DOCK7: variants seen among roughly 807,000 people sequenced by gnomAD.
DOCK7 encodes dedicator of cytokinesis protein 7.
In DOCK7, 138 loss-of-function variants were observed where a neutral mutation model predicts 271.0. The ratio of observed to expected loss-of-function variants is 0.51; its 90% confidence interval spans 0.44 to 0.59. The LOEUF is 0.59. DOCK7 is among the 20% of genes least tolerant of loss of function. DOCK7 has a pLI of 0.00. For synonymous variants in DOCK7, 823 were observed against 876.1 expected (o/e 0.94, Z 1.07); for missense variants, 2,066 against 2,592.4 (o/e 0.80, Z 4.41).
Position 62,527,603 on chromosome 1 carries a change from T to G in DOCK7, c.3936+548A>C, listed in dbSNP as rs1042992990. 2.4e-4 allele frequency among the ~76,000 whole-genome samples: 37 copies of G among 151,830 alleles called. 1 individual carries two copies. The highest frequency in any genetic ancestry group is 4.0e-4 in the Non-Finnish European group (27 of 67,994). ...GGGACATGGACGAAGCTGGAAACCATCATTCTCAGCAAACTATTGCAAGGA... is the reference window on the plus strand; with the variant it reads ...GGGACATGGACGAAGCTGGAAACCAGCATTCTCAGCAAACTATTGCAAGGA... On this transcript the variant is annotated intron_variant, in intron 31 of 49. Transcript: ENST00000635253.
chr1:62,506,420 T>C (rs967276611), intron 35 of DOCK7, among the ~76,000 whole-genome samples: 9 of 152,064 alleles, frequency 5.9e-5, no homozygotes, highest in African/African-American at 2.2e-4. Context: ...CTTGGACTTA[T>C]TAAATTTTTT....
Position 62,602,475 on chromosome 1 carries a change from G to A in DOCK7, c.1683-15851C>T, listed in dbSNP as rs536323268. Reference sequence around the variant, plus strand: ...ACCAGGTATTAGGAAAAGTAGTAACGAACGAGAAGCAGTCTCAGCCTTCAT... The same window carrying A: ...ACCAGGTATTAGGAAAAGTAGTAACAAACGAGAAGCAGTCTCAGCCTTCAT... On this transcript the variant is annotated intron_variant, in intron 14 of 49. Coordinates refer to ENST00000635253, the MANE Select transcript of DOCK7 (RefSeq NM_001367561.1). 348 of 1,062,042 alleles carry A rather than the reference G, an allele frequency of 3.3e-4. 1 individual carries two copies. The highest frequency in any genetic ancestry group is 2.0e-3 in the Admixed American group (116 of 58,308). 65.8% of individuals were successfully genotyped at this position (1,062,042 alleles called of 1,614,324 possible).
At chr1:62,468,360 C>CA (rs201784083) in intron 48 of DOCK7, among the ~76,000 whole-genome samples, 2,534 of 92,630 alleles carry the variant, frequency 0.027, 116 homozygotes, top group African/African-American at 0.068. Context: ...GACTCTGTCT[C>CA]AAAAAAAAAA....
At chr1:62,684,146 T>A (rs949326650) in intron 1 of DOCK7, among the ~76,000 whole-genome samples, 1 of 148,558 alleles carries the variant, frequency 6.7e-6, no homozygotes, top group Admixed American at 6.7e-5. Flanking sequence ...GGCAGTGGGG[T>A]GGAGGTTGCA....
intron 1 of DOCK7, among the ~76,000 whole-genome samples, chr1:62,669,296 T>C (rs1343263896): frequency 6.6e-6 from 1 of 152,212 alleles, no homozygotes; most frequent in South Asian, 2.1e-4. Context: ...GCACTCTCTT[T>C]GATAGTAGCA....
chr1:62,646,775 G>T lies in DOCK7; in HGVS notation c.818+916C>A, dbSNP rs1247204557. Among the ~76,000 whole-genome samples the T allele has an allele frequency of 2.6e-5, 4 of 152,284 alleles. No homozygotes were observed. The East Asian group carries it at 7.7e-4, about 29-fold the overall frequency. On this transcript the variant is annotated intron_variant, in intron 7 of 49. Transcript: ENST00000635253. ...GCCTGAGCAGACTGATACAGGTAAG[G>T]AGTTTCTTCCTGGGGTAATGAGTAT... is the stretch of plus-strand genomic sequence containing the variant.
At chr1:62,547,048 C>T (rs1028549666) in intron 22 of DOCK7, among the ~76,000 whole-genome samples, 6 of 151,996 alleles carry the variant, frequency 3.9e-5, no homozygotes, top group Non-Finnish European at 4.4e-5. Context: ...CTTTGCTGTA[C>T]TCTTAAATTT....
intron 31 of DOCK7, among the ~76,000 whole-genome samples, chr1:62,525,801 C>T (rs1342608980): frequency 6.6e-6 from 1 of 152,188 alleles, no homozygotes; most frequent in African/African-American, 2.4e-5. Context: ...TCATTAAAAA[C>T]TTTCACACTT....
intron 42 of DOCK7, 24 bp from the exon 43 acceptor site, chr1:62,487,436 G>A (rs1557612825): frequency 6.2e-7 from 1 of 1,608,318 alleles, no homozygotes; most frequent in Non-Finnish European, 8.5e-7. Context: ...AGTAAAAAAG[G>A]GCAAGTCATA....
chr1:62,591,330 A>C (rs1171391558), intron 14 of DOCK7, among the ~76,000 whole-genome samples: 2 of 152,268 alleles, frequency 1.3e-5, no homozygotes, highest in Non-Finnish European at 2.9e-5. Context: ...AGGAAAAAAC[A>C]GACACAGGGG....
chr1:62,591,361 G>A (rs1648420669), intron 14 of DOCK7, among the ~76,000 whole-genome samples: 1 of 152,124 alleles, frequency 6.6e-6, no homozygotes, highest in South Asian at 2.1e-4. Context: ...AAGGGAGGGT[G>A]GAGGAGAGAG....
chr1:62,617,927 G>C (rs1363074187), intron 14 of DOCK7, among the ~76,000 whole-genome samples: 1 of 151,892 alleles, frequency 6.6e-6, no homozygotes, highest in Non-Finnish European at 1.5e-5. Flanking sequence ...GGGTAGGAAA[G>C]GAGAGAAATC....
rs1330978785 is a variant in DOCK7, at chr1:62,659,972, T to C, written c.144+3053A>G. Among the ~76,000 whole-genome samples the C allele has an allele frequency of 2.0e-5, 3 of 152,156 alleles. No homozygotes were observed. The East Asian group carries it at 5.8e-4, about 29-fold the overall frequency. On this transcript the variant is annotated intron_variant, in intron 2 of 49. Coordinates refer to ENST00000635253, the MANE Select transcript of DOCK7 (RefSeq NM_001367561.1). ...GAACTGAAAGAAGAAATAAGACATA[T>C]CACAATTATACTTGCAGAATTCAAG...
Position 62,539,776 on chromosome 1 carries a change from A to T in DOCK7, c.3162T>A (p.Ser1054Arg). 1 of 1,613,348 alleles carries T rather than the reference A, an allele frequency of 6.2e-7. No individual in the cohort carries two copies. ...DIAALVSTIA[S>R]DIVSRFQKDT... ...CCTTCTGAAATCGTGAAACTATATCACTAGCAATCGTGCTGACAAGAGCTG... is the reference window on the plus strand; with the variant it reads ...CCTTCTGAAATCGTGAAACTATATCTCTAGCAATCGTGCTGACAAGAGCTG... The change falls in exon 26 of 50, where the codon AGT becomes AGA. Residue 1054 changes from serine to arginine, a missense_variant. Transcript: ENST00000635253.
chr1:62,590,591 T>C (rs1013998460), intron 14 of DOCK7, among the ~76,000 whole-genome samples: 2 of 152,006 alleles, frequency 1.3e-5, no homozygotes, highest in African/African-American at 4.8e-5. Context: ...AAGCAAATAA[T>C]GATAATAATG....
At chr1:62,621,497 T>C (rs370620798) in intron 12 of DOCK7, among the ~76,000 whole-genome samples, 10 of 152,326 alleles carry the variant, frequency 6.6e-5, no homozygotes, top group African/African-American at 2.2e-4. Flanking sequence ...TATTTGGTAA[T>C]GCATATATTT....
At chr1:62,654,285 C>T in intron 2 of DOCK7, 126 bp from the exon 3 acceptor site, 1 of 937,654 alleles carries the variant, frequency 1.1e-6, no homozygotes, top group Non-Finnish European at 1.5e-6. Context: ...AAAATTTTCA[C>T]AGATATTCAA....
chr1:62,485,282 A>T (rs1646260015), intron 43 of DOCK7: 1 of 985,300 alleles, frequency 1.0e-6, no homozygotes, highest in African/African-American at 1.7e-5. Context: ...CGAAAGGTTC[A>T]TGATTTATTA....
intron 16 of DOCK7, among the ~76,000 whole-genome samples, chr1:62,579,321 C>T (rs1198193062): frequency 1.3e-5 from 2 of 152,076 alleles, no homozygotes; most frequent in African/African-American, 4.8e-5. Context: ...TTCTGATAAA[C>T]ATTACATAAA....
Sources: allele counts gnomAD v4.1 joint callset (sites outside exome capture counted in the v4.1 genomes callset), GRCh38; gene constraint gnomAD v4.1.1; transcripts MANE v1.5; gene names NCBI Gene and HGNC (gene_info 2026-07-23, HGNC 2026-07-21).